PPM1L: variants seen among roughly 807,000 people sequenced by gnomAD.
PPM1L encodes protein phosphatase 1L.
In PPM1L, 13 loss-of-function variants were observed where a neutral mutation model predicts 31.4. The observed-to-expected ratio is 0.41, with a 90% CI of 0.27 to 0.66. The LOEUF (loss-of-function observed/expected upper bound fraction) is 0.66, where lower values mean the gene tolerates loss of function less well. Among genes scored for constraint, PPM1L ranks in the 30% least tolerant of loss-of-function variants. The pLI is 0.29. For missense variants in PPM1L, 326 were observed against 453.7 expected, an observed-to-expected ratio of 0.72 and a Z score of 2.56; for synonymous variants, 184 against 175.4, an observed-to-expected ratio of 1.05 and a Z score of -0.39.
At chr3:160,773,615 G>C (rs1711502734) in intron 1 of PPM1L, among the ~76,000 whole-genome samples, 2 of 152,202 alleles carry the variant, frequency 1.3e-5, no homozygotes, top group Non-Finnish European at 2.9e-5. Context: ...TATATTCCAT[G>C]TTAAAAATCT....
intron 2 of PPM1L, among the ~76,000 whole-genome samples, chr3:160,973,764 G>GGTTTTTTTTTTT (rs1716435982): frequency 2.3e-5 from 2 of 88,450 alleles, no homozygotes; most frequent in African/African-American, 3.6e-5. Flanking sequence ...GAAAGGCCCT[G>GGTTTTTTTTTTT]TTTTTTTTTT....
intron 1 of PPM1L, among the ~76,000 whole-genome samples, chr3:160,760,641 A>G (rs1714946125): frequency 6.6e-6 from 1 of 152,170 alleles, no homozygotes; most frequent in Admixed American, 6.5e-5. Flanking sequence ...TTTAAGATAA[A>G]AATGATTTTT....
At chr3:160,862,111 C>T (rs1411470878) in intron 1 of PPM1L, among the ~76,000 whole-genome samples, 1 of 152,156 alleles carries the variant, frequency 6.6e-6, no homozygotes, top group African/African-American at 2.4e-5. Context: ...GGCCATGATT[C>T]TGCCTACCAC....
intron 1 of PPM1L, among the ~76,000 whole-genome samples, chr3:160,923,492 G>A (rs2108073590): frequency 6.6e-6 from 1 of 152,192 alleles, no homozygotes; most frequent in South Asian, 2.1e-4. Context: ...CAAGTTTTAG[G>A]CCATTGAGTG....
chr3:160,790,353 T>A (rs952718371), intron 1 of PPM1L, among the ~76,000 whole-genome samples: 5 of 152,208 alleles, frequency 3.3e-5, no homozygotes, highest in African/African-American at 1.2e-4. Flanking sequence ...AAATTAAGCA[T>A]GCTTCTTTAA....
Position 160,802,110 on chromosome 3 carries a change from C to T in PPM1L, c.399+45403C>T, listed in dbSNP as rs147675840. Among the ~76,000 whole-genome samples the T allele has an allele frequency of 1.1e-4, 17 of 152,284 alleles. 1 individual carries two copies. Among genetic ancestry groups the T allele is most frequent in the African/African-American group, 3.8e-4 (16 of 41,574 alleles). On this transcript the variant is annotated intron_variant, in intron 1 of 3. Transcript: ENST00000498165. ...AGACATCTTGTCCTAGGAATTAACT[C>T]TATAATACTCCTCCTTTCTCAACTG...
In PPM1L at chr3:160,842,282, C is replaced by G. The variant is rs1350875273; in HGVS notation, c.399+85575C>G. 5 of 702,458 alleles carry G rather than the reference C, an allele frequency of 7.1e-6. No homozygotes were observed. The South Asian group carries it at 7.4e-5, about 10-fold the overall frequency. The allele number at this position is 702,458 out of a possible 1,614,324, so 43.5% of individuals were successfully genotyped here. A position where few individuals can be genotyped will look rare whatever the true frequency, so the allele number is the denominator to read the frequency against. On this transcript the variant is annotated intron_variant, in intron 1 of 3. Coordinates refer to ENST00000498165, the MANE Select transcript of PPM1L (RefSeq NM_139245.4). ...AGAGGGCTAGACCAGAACATGCCTG[C>G]TTTTTCAACAGTGAGTAGATCTGTT...
chr3:160,950,284 T>C (rs1410579342), intron 1 of PPM1L, among the ~76,000 whole-genome samples: 1 of 152,164 alleles, frequency 6.6e-6, no homozygotes, highest in African/African-American at 2.4e-5. Flanking sequence ...AATATTTACC[T>C]TTTGGTAGGT....
intron 1 of PPM1L, among the ~76,000 whole-genome samples, chr3:160,931,959 C>T (rs1157008952): frequency 6.6e-6 from 1 of 151,762 alleles, no homozygotes; most frequent in Non-Finnish European, 1.5e-5. Context: ...TAATGCCAAA[C>T]TTGAAGAGCT....
intron 1 of PPM1L, among the ~76,000 whole-genome samples, chr3:160,934,852 C>T (rs1430044175): frequency 2.2e-4 from 34 of 151,910 alleles, no homozygotes; most frequent in Admixed American, 2.2e-3. Context: ...GCTTGGGAGG[C>T]TGAGGCAGGA....
intron 2 of PPM1L, among the ~76,000 whole-genome samples, chr3:160,980,873 ACT>A (rs1716775275): frequency 6.6e-6 from 1 of 151,904 alleles, no homozygotes; most frequent in South Asian, 2.1e-4. Context: ...TGCAGTAAAC[ACT>A]CTACCAATGA....
intron 1 of PPM1L, among the ~76,000 whole-genome samples, chr3:160,832,663 TTTCAATAAAA>T (rs1713558615): frequency 6.6e-6 from 1 of 152,142 alleles, no homozygotes; most frequent in South Asian, 2.1e-4. Context: ...TTCTGAATAA[TTTCAATAAAA>T]GATTAAAACT....
rs1450006563 is a variant in PPM1L at position 160,803,525 on chromosome 3, C to G, written c.399+46818C>G. On this transcript the variant is annotated intron_variant, in intron 1 of 3. Transcript: ENST00000498165. ...TAGAAATGTCATATTTTAGAGAGAT[C>G]ACTGGTAATTTTTGCACAAATAATT... 3.8e-5 allele frequency among the ~76,000 whole-genome samples: 4 copies of G among 105,746 alleles called. 1 individual carries two copies. The highest frequency in any genetic ancestry group is 2.4e-4 in the African/African-American group (4 of 16,630). 69.4% of individuals were successfully genotyped at this position (105,746 alleles called of 152,430 possible). A position where few individuals can be genotyped will look rare whatever the true frequency, so the allele number is the denominator to read the frequency against.
At chr3:160,965,478 T>G (rs1716112048) in intron 2 of PPM1L, among the ~76,000 whole-genome samples, 1 of 152,072 alleles carries the variant, frequency 6.6e-6, no homozygotes, top group African/African-American at 2.4e-5. Context: ...TTTATTCCCT[T>G]TATTATAAAA....
At chr3:160,978,523 A>G (rs1447609) in intron 2 of PPM1L, among the ~76,000 whole-genome samples, 65,344 of 151,914 alleles carry the variant, frequency 0.43, 14,694 homozygotes, top group East Asian at 0.7. Flanking sequence ...CATTTCTTGC[A>G]TAACAACCAT....
chr3:160,868,036 C>A (rs569645081), intron 1 of PPM1L, among the ~76,000 whole-genome samples: 1 of 152,148 alleles, frequency 6.6e-6, no homozygotes, highest in South Asian at 2.1e-4. Context: ...GAAATATTAG[C>A]CTTTGTTGGA....
At chr3:161,032,947 G>A in intron 2 of PPM1L, among the ~76,000 whole-genome samples, 1 of 148,962 alleles carries the variant, frequency 6.7e-6, no homozygotes. Flanking sequence ...CTGACCTGAG[G>A]TGATCCACCC....
At chr3:160,918,530 C>A (rs1714270190) in intron 1 of PPM1L, among the ~76,000 whole-genome samples, 1 of 152,110 alleles carries the variant, frequency 6.6e-6, no homozygotes, top group South Asian at 2.1e-4. Context: ...AAAAATAAAA[C>A]TGAATCTGAA....
At chr3:160,927,640 G>A (rs716779) in intron 1 of PPM1L, among the ~76,000 whole-genome samples, 74,651 of 151,762 alleles carry the variant, frequency 0.49, 19,349 homozygotes, top group Middle Eastern at 0.59. Context: ...GTGCGTGTGC[G>A]TGCGCGCGCA....
Sources: gnomAD v4.1 joint callset for allele counts (sites outside exome capture counted in the v4.1 genomes callset) on GRCh38, gnomAD v4.1.1 for gene constraint, MANE v1.5 for transcripts, NCBI Gene and HGNC (gene_info 2026-07-23, HGNC 2026-07-21) for gene names.